EXPH5: variants seen among roughly 807,000 people sequenced by gnomAD.
The protein encoded by EXPH5 is exophilin-5.
In EXPH5, 42 loss-of-function variants were observed where a neutral mutation model predicts 41.1. That is an observed-to-expected ratio of 1.02 (90% CI 0.80 to 1.32). The LOEUF is 1.32. Ranked by LOEUF, EXPH5 falls within the 40% of genes most tolerant of loss-of-function variation. EXPH5 has a pLI of 0.00. For missense variants in EXPH5, 2,298 were observed against 2,314.5 expected, an observed-to-expected ratio of 0.99 and a Z score of 0.15; for synonymous variants, 798 against 833.5, an observed-to-expected ratio of 0.96 and a Z score of 0.73.
chr11:108,571,077 A>G (rs1409744105), intron 1 of EXPH5, among the ~76,000 whole-genome samples: 1 of 152,220 alleles, frequency 6.6e-6, no homozygotes. Context: ...AAGAAGCTGG[A>G]GCCTCAGCTC....
intron 4 of EXPH5, among the ~76,000 whole-genome samples, chr11:108,525,914 TTTTC>T (rs1057002268): frequency 7.3e-6 from 1 of 136,570 alleles, no homozygotes; most frequent in African/African-American, 3.1e-5. Context: ...TTTCTTTTTC[TTTTC>T]TTTTTTTTTT....
intron 1 of EXPH5, among the ~76,000 whole-genome samples, chr11:108,548,833 A>G (rs1300628343): frequency 1.3e-5 from 2 of 152,234 alleles, no homozygotes; most frequent in Non-Finnish European, 2.9e-5. Flanking sequence ...TCATTTACTT[A>G]AAAAAACTAT....
intron 4 of EXPH5, among the ~76,000 whole-genome samples, chr11:108,518,714 C>T (rs1019821904): frequency 4.6e-5 from 7 of 152,202 alleles, no homozygotes; most frequent in African/African-American, 1.7e-4. Context: ...AAGGCTGAGA[C>T]CTACTGGGCT....
chr11:108,545,171 C>T (rs984823395), intron 1 of EXPH5, among the ~76,000 whole-genome samples: 3 of 152,112 alleles, frequency 2.0e-5, no homozygotes, highest in African/African-American at 7.2e-5. Flanking sequence ...CCCAGCACTT[C>T]GGGAGGCCGA....
At chr11:108,556,946 C>G (rs1339420635) in intron 1 of EXPH5, among the ~76,000 whole-genome samples, 3 of 152,224 alleles carry the variant, frequency 2.0e-5, no homozygotes, top group Non-Finnish European at 4.4e-5. Flanking sequence ...TTTAATCACT[C>G]CTCTTTCCTC....
upstream of EXPH5, among the ~76,000 whole-genome samples, chr11:108,596,740 G>A (rs1276929889): frequency 3.9e-5 from 6 of 152,178 alleles, no homozygotes; most frequent in Non-Finnish European, 1.5e-5. Flanking sequence ...CAGCACTGAG[G>A]CATGCTTCAG....
chr11:108,510,926 T>C lies in EXPH5; in HGVS notation c.4581A>G (p.Glu1527=). 6.2e-7 allele frequency: 1 copy of C among 1,614,176 alleles called. No individual in the cohort carries two copies. Among genetic ancestry groups the C allele is most frequent in the Non-Finnish European group, 8.5e-7 (1 of 1,180,020 alleles). Residue 1527 remains glutamate, a synonymous_variant, in exon 6 of 6, where the codon GAA becomes GAG. Transcript: ENST00000265843. The part of the protein sequence containing the change: ...LQLGEETQSD[E]PNLESLQSEP... The stretch of plus-strand genomic sequence containing the variant: ...CAGACTGCAGACTCTCTAAGTTTGG[T>C]TCATCTGACTGAGTCTCCTCACCAA...
chr11:108,604,524 T>A, the EXPH5 span, among the ~76,000 whole-genome samples: 1 of 152,178 alleles, frequency 6.6e-6, no homozygotes, highest in Non-Finnish European at 1.5e-5. Flanking sequence ...TTGTTTTATG[T>A]GTATTATTAT....
intron 1 of EXPH5, among the ~76,000 whole-genome samples, chr11:108,586,954 G>C (rs1180744022): frequency 6.6e-6 from 1 of 152,048 alleles, no homozygotes; most frequent in Non-Finnish European, 1.5e-5. Flanking sequence ...CTCACAGCTT[G>C]GGGAATAACT....
chr11:108,516,793 T>C (rs1022666936), intron 5 of EXPH5, among the ~76,000 whole-genome samples: 2 of 152,218 alleles, frequency 1.3e-5, no homozygotes, highest in Non-Finnish European at 2.9e-5. Flanking sequence ...GAATTATCTG[T>C]GAATGTTTTA....
In EXPH5 at chr11:108,516,082, A is replaced by C. The variant is rs560038273; in HGVS notation, c.632-1207T>G. ...GCGAGACTCCGTCTCAAAAAAAAAAAAAAAAAACCAGAAAAAAAAACTCAC... is the reference window on the plus strand; with the variant it reads ...GCGAGACTCCGTCTCAAAAAAAAAACAAAAAAACCAGAAAAAAAAACTCAC... On this transcript the variant is annotated intron_variant, in intron 5 of 5. Transcript: ENST00000265843. Among the ~76,000 whole-genome samples the C allele has an allele frequency of 2.7e-4, 41 of 151,914 alleles. No homozygotes were observed. The East Asian group carries it at 7.4e-3, about 27-fold the overall frequency.
chr11:108,555,056 A>G (rs1465691913), intron 1 of EXPH5, among the ~76,000 whole-genome samples: 1 of 152,244 alleles, frequency 6.6e-6, no homozygotes, highest in African/African-American at 2.4e-5. Flanking sequence ...CTTAAATCAC[A>G]GCATGATCAT....
At chr11:108,599,667 G>A in the EXPH5 span, among the ~76,000 whole-genome samples, 1 of 152,148 alleles carries the variant, frequency 6.6e-6, no homozygotes, top group Non-Finnish European at 1.5e-5. Flanking sequence ...CTTCCTTATA[G>A]CAATTCTACC....
chr11:108,510,224 T>C lies in EXPH5; in HGVS notation c.5283A>G (p.Ala1761=). Residue 1761 remains alanine, a synonymous_variant, in exon 6 of 6, where the codon GCA becomes GCG. Coordinates refer to ENST00000265843, the MANE Select transcript of EXPH5 (RefSeq NM_015065.3). ...RLSPPFPLEP[A]QKSRVSSPLA... The stretch of plus-strand genomic sequence containing the variant: ...GTGGACTGCTTACTCTAGATTTCTG[T>C]GCAGGCTCCAGTGGAAAAGGAGGGC... 2 of 1,613,778 alleles carry C rather than the reference T, an allele frequency of 1.2e-6. No individual in the cohort carries two copies. Among genetic ancestry groups the C allele is most frequent in the Non-Finnish European group, 1.7e-6 (2 of 1,179,922 alleles).
chr11:108,533,531 C>T (rs1041424881), intron 3 of EXPH5, among the ~76,000 whole-genome samples: 1 of 152,114 alleles, frequency 6.6e-6, no homozygotes, highest in Non-Finnish European at 1.5e-5. Flanking sequence ...CAAATCTGCC[C>T]CTTTTTTTGT....
chr11:108,536,940 C>A (rs1307100188), intron 3 of EXPH5, among the ~76,000 whole-genome samples: 1 of 152,198 alleles, frequency 6.6e-6, no homozygotes, highest in African/African-American at 2.4e-5. Context: ...TTGACGGCTT[C>A]AGCAAGTAGA....
At chr11:108,583,811 T>A (rs1380388435) in intron 1 of EXPH5, among the ~76,000 whole-genome samples, 1 of 152,048 alleles carries the variant, frequency 6.6e-6, no homozygotes, top group African/African-American at 2.4e-5. Context: ...GAAGTCCTAG[T>A]CAATATTAGG....
At chr11:108,594,329 C>T (rs146513092), upstream of EXPH5, among the ~76,000 whole-genome samples, 1,563 of 152,198 alleles carry the variant, frequency 0.01, 30 homozygotes, top group African/African-American at 0.035. Context: ...ACAAACAAAA[C>T]CGTTTATGGT....
Position 108,511,918 on chromosome 11 carries a change from C to A in EXPH5, c.3589G>T (p.Ala1197Ser). 1 of 1,597,006 alleles carries A rather than the reference C, an allele frequency of 6.3e-7. No individual in the cohort carries two copies. The highest frequency in any genetic ancestry group is 1.1e-5 in the South Asian group (1 of 87,222). ...EYTEKEGKMA[A>S]SRRSVFALSN... is the part of the protein sequence containing the mutation. Reference sequence around the variant, plus strand: ...AGAGCAAATACACTTCTCCTGGAGGCAGCCATTTTACCCTCTTTCTCAGTG... The same window carrying A: ...AGAGCAAATACACTTCTCCTGGAGGAAGCCATTTTACCCTCTTTCTCAGTG... Residue 1197 changes from alanine to serine, a missense_variant, in exon 6 of 6, where the codon GCC (alanine) becomes TCC (serine). Transcript: ENST00000265843.
Sources: allele counts gnomAD v4.1 joint callset (sites outside exome capture counted in the v4.1 genomes callset), GRCh38; gene constraint gnomAD v4.1.1; transcripts MANE v1.5; gene names NCBI Gene and HGNC (gene_info 2026-07-23, HGNC 2026-07-21).